PRTG: variants seen among roughly 807,000 people sequenced by gnomAD.
The protein encoded by PRTG is immunoglobulin superfamily, DCC subclass, member 5.
PRTG carries 67 observed loss-of-function variants against 122.5 expected under a neutral mutation model. That is an observed-to-expected ratio of 0.55 (90% CI 0.45 to 0.67). PRTG has a LOEUF of 0.67. Among genes scored for constraint, PRTG ranks in the 30% least tolerant of loss-of-function variants. PRTG has a pLI of 0.00. For missense variants in PRTG, 1,435 were observed against 1,415.4 expected (o/e 1.01, Z -0.22); for synonymous variants, 554 against 501.1 (o/e 1.11, Z -1.41).
Position 55,743,081 on chromosome 15 carries a change from G to T in PRTG, c.-150C>A. 7.8e-7 allele frequency: 1 copy of T among 1,289,666 alleles called. No homozygotes were observed. The highest frequency in any genetic ancestry group is 9.8e-7 in the Non-Finnish European group (1 of 1,023,474). 79.9% of individuals were successfully genotyped at this position (1,289,666 alleles called of 1,614,324 possible). On this transcript the variant is annotated 5_prime_UTR_variant, in exon 1 of 20. Coordinates refer to ENST00000389286, the MANE Select transcript of PRTG (RefSeq NM_173814.6). ...GCACCGGCGTGGCGAGCGTCTCTGC[G>T]GCGGCGAGGCTGGTGCTCGGACGGC...
rs2059160374 is a variant in PRTG, at chr15:55,620,518, C to G, written c.3198+145G>C. The G allele has an allele frequency of 8.3e-6, 11 of 1,323,280 alleles. No homozygotes were observed. The South Asian group carries it at 1.7e-4, about 21-fold the overall frequency. The allele number at this position is 1,323,280 out of a possible 1,614,324, so 82.0% of individuals were successfully genotyped here. On this transcript the variant is annotated intron_variant, in intron 19 of 19. Transcript: ENST00000389286. ...CTGTTATCATTCACCTCGCTCTCCACAGAGCCATGCCCCAAATTAATAAAA... is the reference window on the plus strand; with the variant it reads ...CTGTTATCATTCACCTCGCTCTCCAGAGAGCCATGCCCCAAATTAATAAAA...
At chr15:55,620,501 A>T (rs1196953546) in intron 19 of PRTG, among the ~76,000 whole-genome samples, 162 bp downstream of exon 19, 1 of 151,502 alleles carries the variant, frequency 6.6e-6, no homozygotes, top group Non-Finnish European at 1.5e-5. Context: ...TTCTGTTATC[A>T]TTCACCTCGC....
intron 11 of PRTG, among the ~76,000 whole-genome samples, chr15:55,647,997 T>C (rs1018359273): frequency 6.6e-6 from 1 of 152,246 alleles, no homozygotes; most frequent in African/African-American, 2.4e-5. Context: ...TTGGCAACCA[T>C]GTCACATGGT....
At chr15:55,725,674 T>G (rs2031004543) in intron 2 of PRTG, among the ~76,000 whole-genome samples, 1 of 151,760 alleles carries the variant, frequency 6.6e-6, no homozygotes, top group African/African-American at 2.4e-5. Flanking sequence ...GTAATTACAA[T>G]AAATGCAAGT....
chr15:55,723,355 A>G (rs2141871727), intron 2 of PRTG, among the ~76,000 whole-genome samples: 1 of 151,674 alleles, frequency 6.6e-6, no homozygotes, highest in South Asian at 2.1e-4. Flanking sequence ...GAAACAAAAG[A>G]CACAAACAGA....
chr15:55,718,352 T>G (rs1258914765), intron 2 of PRTG, among the ~76,000 whole-genome samples: 1 of 152,088 alleles, frequency 6.6e-6, no homozygotes, highest in Non-Finnish European at 1.5e-5. Flanking sequence ...CTGTTCCCAA[T>G]GAAACTCATC....
chr15:55,708,627 C>A (rs1379337303), intron 2 of PRTG, among the ~76,000 whole-genome samples: 1 of 151,634 alleles, frequency 6.6e-6, no homozygotes, highest in African/African-American at 2.4e-5. Context: ...TAAAGTGAAA[C>A]CAAACTGAAT....
At chr15:55,714,194 T>C (rs2030507167) in intron 2 of PRTG, among the ~76,000 whole-genome samples, 1 of 146,514 alleles carries the variant, frequency 6.8e-6, no homozygotes, top group Admixed American at 7.0e-5. Context: ...TTTCTTTCTA[T>C]CTATTTATCT....
chr15:55,682,324 T>C, intron 4 of PRTG, 40 bp downstream of exon 4: 1 of 1,486,168 alleles, frequency 6.7e-7, no homozygotes, highest in Non-Finnish European at 9.0e-7. Flanking sequence ...ACTGCGCCAA[T>C]AAAACGTCAT....
rs1181177617 is a variant in PRTG at position 55,677,916 on chromosome 15, G to A, written c.1262C>T (p.Ala421Val). 2.5e-6 allele frequency: 4 copies of A among 1,613,892 alleles called. No individual in the cohort carries two copies. Among genetic ancestry groups the A allele is most frequent in the Non-Finnish European group, 3.4e-6 (4 of 1,179,860 alleles). Residue 421 changes from alanine (A) to valine (V), a missense_variant, in exon 8 of 20, where the codon GCT becomes GTT. By Grantham distance (64) the Ala-to-Val change is moderately conservative (BLOSUM62 0). Transcript: ENST00000389286. ...TVVMSEDRPS[A>V]PYNVHAETMS... ...GGTTTCAGCATGTACATTATAGGGA[G>A]CACTGGGTCTGTCTTCTGACATCAC...
chr15:55,742,553 A>C, intron 1 of PRTG: 1 of 399,488 alleles, frequency 2.5e-6, no homozygotes. Context: ...CAGAGTGGAC[A>C]GCGGCCGCCA....
intron 11 of PRTG, among the ~76,000 whole-genome samples, chr15:55,644,629 G>A (rs1403319057): frequency 6.6e-6 from 1 of 152,062 alleles, no homozygotes; most frequent in Non-Finnish European, 1.5e-5. Context: ...ACTCAGGACA[G>A]ACTCACATAA....
At chr15:55,654,038 C>A (rs2141758604) in intron 11 of PRTG, among the ~76,000 whole-genome samples, 1 of 152,260 alleles carries the variant, frequency 6.6e-6, no homozygotes, top group Middle Eastern at 3.4e-3. Flanking sequence ...ATAAGTGAAT[C>A]TGATTTACAT....
intron 11 of PRTG, among the ~76,000 whole-genome samples, chr15:55,646,489 A>AT (rs1393745008): frequency 2.7e-5 from 4 of 147,772 alleles, no homozygotes; most frequent in African/African-American, 7.5e-5. Context: ...CGCCCGGCCA[A>AT]TTTTTTGTAT....
At chr15:55,685,082 A>G (rs895820305) in intron 2 of PRTG, among the ~76,000 whole-genome samples, 14 of 152,130 alleles carry the variant, frequency 9.2e-5, no homozygotes, top group African/African-American at 3.1e-4. Context: ...CCACTACTAT[A>G]GTCTTCCTCC....
At chr15:55,683,699 G>C in intron 3 of PRTG, 88 bp downstream of exon 3, 1 of 1,036,698 alleles carries the variant, frequency 9.6e-7, no homozygotes, top group South Asian at 1.8e-5. Flanking sequence ...ATAAAAATGA[G>C]GCCTATAATG....
intron 2 of PRTG, among the ~76,000 whole-genome samples, chr15:55,732,981 G>C (rs1180934850): frequency 1.3e-5 from 2 of 152,070 alleles, no homozygotes; most frequent in Non-Finnish European, 2.9e-5. Context: ...GGAGGCTGAG[G>C]CGGGCAGACC....
chr15:55,630,998 T>C (rs989545560), intron 15 of PRTG, among the ~76,000 whole-genome samples: 1 of 152,264 alleles, frequency 6.6e-6, no homozygotes, highest in South Asian at 2.1e-4. Flanking sequence ...GGGGTGATCA[T>C]AAAGCTGAGG....
At chr15:55,738,684 T>C (rs1296162713) in intron 2 of PRTG, 2 of 407,706 alleles carry the variant, frequency 4.9e-6, no homozygotes, top group Non-Finnish European at 8.6e-6. Context: ...CATTACTCCA[T>C]GAAAAAAATA....
Sources: allele counts gnomAD v4.1 joint callset (sites outside exome capture counted in the v4.1 genomes callset), GRCh38; gene constraint gnomAD v4.1.1; transcripts MANE v1.5; gene names NCBI Gene and HGNC (gene_info 2026-07-23, HGNC 2026-07-21).